TMEM266: variants seen among roughly 807,000 people sequenced by gnomAD.
TMEM266 encodes the protein Hv1 related protein 1.
TMEM266 carries 33 observed loss-of-function variants against 50.5 expected under a neutral mutation model. The ratio of observed to expected loss-of-function variants is 0.65; its 90% CI spans 0.50 to 0.87. The LOEUF is 0.87. TMEM266 is among the 40% of genes least tolerant of loss of function. TMEM266 has a pLI of 0.00. For synonymous variants in TMEM266, 310 were observed against 292.3 expected (o/e 1.06, Z -0.62); for missense variants, 655 against 695.1 (o/e 0.94, Z 0.65).
chr15:76,093,566 A>G (rs1323111199), intron 1 of TMEM266, among the ~76,000 whole-genome samples: 3 of 152,106 alleles, frequency 2.0e-5, no homozygotes, highest in South Asian at 4.1e-4. Flanking sequence ...TAGTGCTGCA[A>G]TAAACATACG....
At chr15:76,104,431 A>G (rs1322255827) in intron 1 of TMEM266, among the ~76,000 whole-genome samples, 1 of 152,190 alleles carries the variant, frequency 6.6e-6, no homozygotes, top group Non-Finnish European at 1.5e-5. Flanking sequence ...GACATAGAAC[A>G]TTTCCATCAT....
chr15:76,199,611 A>G lies in TMEM266; in HGVS notation c.959-2591A>G, dbSNP rs8037656. Among the ~76,000 whole-genome samples, 694 of 152,234 alleles carry G rather than the reference A, an allele frequency of 4.6e-3. 6 individuals are homozygous for G. The highest frequency in any genetic ancestry group is 0.016 in the African/African-American group (658 of 41,542). ...GGCAGTTTCTGAACACGCTCGGAGGATGTGAGGGTGCATTAGGGCAGTGTG... is the reference window on the plus strand; with the variant it reads ...GGCAGTTTCTGAACACGCTCGGAGGGTGTGAGGGTGCATTAGGGCAGTGTG... On this transcript the variant is annotated intron_variant, in intron 9 of 10. Transcript: ENST00000388942.
chr15:76,181,191 G>A (rs1297554636), intron 8 of TMEM266: 7 of 152,236 alleles, frequency 4.6e-5, no homozygotes, highest in Non-Finnish European at 1.0e-4. Flanking sequence ...GGCCCAACGT[G>A]GCACAGCAGT....
intron 9 of TMEM266, among the ~76,000 whole-genome samples, chr15:76,196,745 C>T (rs1386475235): frequency 6.6e-6 from 1 of 152,170 alleles, no homozygotes; most frequent in Admixed American, 6.5e-5. Context: ...GTGCCAGCCC[C>T]AGCCGTGAGG....
At chr15:76,187,144 C>CTGAATGAA (rs3065642) in intron 8 of TMEM266, among the ~76,000 whole-genome samples, 44 of 151,958 alleles carry the variant, frequency 2.9e-4, no homozygotes, top group Non-Finnish European at 4.9e-4. Context: ...TGACTTCCTA[C>CTGAATGAA]TGAATGAATG....
intron 1 of TMEM266, among the ~76,000 whole-genome samples, chr15:76,089,184 G>A (rs1042091892): frequency 2.0e-5 from 3 of 150,114 alleles, no homozygotes; most frequent in African/African-American, 7.3e-5. Context: ...GTGATCTTCA[G>A]AAGTTTCATT....
chr15:76,153,444 A>G lies in TMEM266; in HGVS notation c.228-3160A>G, dbSNP rs1485918997. Among the ~76,000 whole-genome samples the G allele has an allele frequency of 6.6e-6, 1 of 152,128 alleles. No individual in the cohort carries two copies. Among genetic ancestry groups the G allele is most frequent in the African/African-American group, 2.4e-5 (1 of 41,426 alleles). On this transcript the variant is annotated intron_variant, in intron 3 of 10. Coordinates refer to ENST00000388942, the MANE Select transcript of TMEM266 (RefSeq NM_152335.3). This position sits in a 1 kb window ranked among gnomAD's most constrained non-coding sequence, Gnocchi z 4.2. ...GATGGCCCTGGCAGCTGCCCTTTTTATTCATAACCGCCTGAAGGTGCTTGG... is the reference window on the plus strand; with the variant it reads ...GATGGCCCTGGCAGCTGCCCTTTTTGTTCATAACCGCCTGAAGGTGCTTGG...
intron 1 of TMEM266, among the ~76,000 whole-genome samples, chr15:76,127,140 A>G (rs2037435887): frequency 6.6e-6 from 1 of 152,154 alleles, no homozygotes; most frequent in South Asian, 2.1e-4. Context: ...TAATTATATG[A>G]TGTGATCGGT....
chr15:76,117,270 G>T (rs969725467), intron 1 of TMEM266, among the ~76,000 whole-genome samples: 3 of 151,666 alleles, frequency 2.0e-5, no homozygotes, highest in Non-Finnish European at 4.4e-5. Flanking sequence ...TTGACAAGCT[G>T]TTATTAAATC....
chr15:76,076,903 A>G (rs979854912), intron 1 of TMEM266, among the ~76,000 whole-genome samples: 2 of 152,050 alleles, frequency 1.3e-5, no homozygotes, highest in African/African-American at 4.8e-5. Flanking sequence ...CACACATGAA[A>G]TCCAGTCATG....
At chr15:76,085,835 T>G (rs2036768522) in intron 1 of TMEM266, among the ~76,000 whole-genome samples, 1 of 152,110 alleles carries the variant, frequency 6.6e-6, no homozygotes, top group Admixed American at 6.5e-5. Flanking sequence ...TCACCTGAAG[T>G]CAGGAGTTTG....
intron 3 of TMEM266, among the ~76,000 whole-genome samples, chr15:76,143,495 T>C (rs1398056533): frequency 6.6e-6 from 1 of 152,220 alleles, no homozygotes; most frequent in African/African-American, 2.4e-5. Flanking sequence ...TCTGCTGTTA[T>C]AACCATGACC....
At chr15:76,100,177 G>A (rs1285244837) in intron 1 of TMEM266, among the ~76,000 whole-genome samples, 1 of 152,208 alleles carries the variant, frequency 6.6e-6, no homozygotes, top group Non-Finnish European at 1.5e-5. Flanking sequence ...AGTTGACGTA[G>A]TAAGACAAGT....
chr15:76,171,209 G>T, intron 7 of TMEM266, 78 bp downstream of exon 7: 1 of 1,562,346 alleles, frequency 6.4e-7, no homozygotes, highest in South Asian at 1.2e-5. Flanking sequence ...GATGCCGTGT[G>T]ATGGGGGTAC....
At chr15:76,104,410 T>C (rs1027525984) in intron 1 of TMEM266, among the ~76,000 whole-genome samples, 3 of 152,190 alleles carry the variant, frequency 2.0e-5, no homozygotes, top group Non-Finnish European at 2.9e-5. Flanking sequence ...GCTACCCTAT[T>C]GGACTGTGCA....
At chr15:76,067,771 T>C (rs931748517) in intron 1 of TMEM266, among the ~76,000 whole-genome samples, 2 of 151,910 alleles carry the variant, frequency 1.3e-5, no homozygotes. Flanking sequence ...CTTGGGGTAT[T>C]TTTTTGTGGG....
At chr15:76,172,244 G>A (rs2038198388) in intron 7 of TMEM266, among the ~76,000 whole-genome samples, 1 of 152,228 alleles carries the variant, frequency 6.6e-6, no homozygotes, top group South Asian at 2.1e-4. Context: ...GAGATTGCAA[G>A]TGGAGCTGCT....
At chr15:76,113,453 G>A (rs1436325800) in intron 1 of TMEM266, 1 of 152,424 alleles carries the variant, frequency 6.6e-6, no homozygotes, top group Non-Finnish European at 1.5e-5. Flanking sequence ...AGAAGGATAA[G>A]GAATGGCTTA....
At chr15:76,172,459 C>T (rs1184184053) in intron 7 of TMEM266, among the ~76,000 whole-genome samples, 4 of 152,220 alleles carry the variant, frequency 2.6e-5, no homozygotes, top group Non-Finnish European at 5.9e-5. Context: ...GCATTTGCCA[C>T]GCAGGTGCAA....
Sources: allele counts gnomAD v4.1 joint callset (sites outside exome capture counted in the v4.1 genomes callset), GRCh38; gene constraint gnomAD v4.1.1; non-coding constraint Gnocchi (gnomAD v3.1); transcripts MANE v1.5; gene names NCBI Gene and HGNC (gene_info 2026-07-23, HGNC 2026-07-21).